The following STPG2 variants were observed in gnomAD, a reference collection of about 807,000 sequenced individuals.
STPG2 encodes sperm tail PG-rich repeat containing 2, also known as sperm-tail PG-rich repeat-containing protein 2.
Under a neutral mutation model 54.2 loss-of-function variants are expected in STPG2, and 56 were observed. The ratio of observed to expected loss-of-function variants is 1.03; its 90% CI spans 0.83 to 1.29. The LOEUF is 1.29. Ranked by LOEUF, STPG2 falls within the 50% of genes most tolerant of loss-of-function variation. The probability of loss-of-function intolerance (pLI) is 0.00; values close to 1 mark genes in which losing one functional copy is unlikely to be tolerated. For missense variants in STPG2, 596 were observed against 544.9 expected (o/e 1.09, Z -0.93); for synonymous variants, 200 against 181.8 (o/e 1.10, Z -0.81).
At position 98,143,273 on chromosome 4, in the gene STPG2, C is replaced by G; in HGVS notation, c.-123G>C. On this transcript the variant is annotated 5_prime_UTR_variant, in exon 1 of 11. Transcript: ENST00000295268. ...TCTGAGGAGGCCGGGAAAGAACTTC[C>G]GTAAACAGGGAAATTAGGGGTGGGG... is the stretch of plus-strand genomic sequence containing the variant. The G allele has an allele frequency of 1.5e-6, 1 of 677,758 alleles. No homozygotes were observed. Among genetic ancestry groups the G allele is most frequent in the Non-Finnish European group, 2.5e-6 (1 of 401,130 alleles). 42.0% of individuals were successfully genotyped at this position (677,758 alleles called of 1,614,324 possible).
chr4:97,723,621 T>C (rs183321073), intron 9 of STPG2, among the ~76,000 whole-genome samples: 2 of 152,310 alleles, frequency 1.3e-5, no homozygotes, highest in Non-Finnish European at 2.9e-5. Flanking sequence ...CTCTGGTAAA[T>C]GTATTGGTCC....
chr4:97,897,050 C>T (rs941323902), intron 8 of STPG2, among the ~76,000 whole-genome samples: 1 of 151,884 alleles, frequency 6.6e-6, no homozygotes, highest in African/African-American at 2.4e-5. Flanking sequence ...TGATCCTCTC[C>T]CTCCTCCCAC....
intron 10 of STPG2, among the ~76,000 whole-genome samples, chr4:97,702,282 GC>G (rs1560727038): frequency 6.6e-6 from 1 of 152,096 alleles, no homozygotes; most frequent in Non-Finnish European, 1.5e-5. Flanking sequence ...CACTTAGTGG[GC>G]CCAAATAAAT....
chr4:98,082,553 G>A lies in STPG2; in HGVS notation c.612+23400C>T, dbSNP rs979244023. Reference sequence around the variant, plus strand: ...TGCAAGCTCTGCCTCCCGGGTTCACGCCATTCTCCTGCCTCAGCTCCCCGA... The same window carrying A: ...TGCAAGCTCTGCCTCCCGGGTTCACACCATTCTCCTGCCTCAGCTCCCCGA... On this transcript the variant is annotated intron_variant, in intron 5 of 10. Transcript: ENST00000295268. 1.8e-4 allele frequency among the ~76,000 whole-genome samples: 24 copies of A among 131,482 alleles called. 1 individual carries two copies. The highest frequency in any genetic ancestry group is 0.01 in the Middle Eastern group (2 of 198). 86.3% of individuals were successfully genotyped at this position (131,482 alleles called of 152,430 possible). A position where few individuals can be genotyped will look rare whatever the true frequency, so the allele number is the denominator to read the frequency against.
Position 97,943,955 on chromosome 4 carries a change from G to A in STPG2, c.986C>T (p.Thr329Ile). 2 of 1,601,782 alleles carry A rather than the reference G, an allele frequency of 1.2e-6. No individual in the cohort carries two copies. Among genetic ancestry groups the A allele is most frequent in the Non-Finnish European group, 1.7e-6 (2 of 1,176,326 alleles). Residue 329 changes from threonine to isoleucine, a missense_variant, in exon 8 of 11, where the codon ACT becomes ATT. By Grantham distance (89) the Thr-to-Ile change is moderately conservative. Coordinates refer to ENST00000295268, the MANE Select transcript of STPG2 (RefSeq NM_174952.3). Reference protein sequence around the residue: ...VGISDELPNLTNKYAAFLSRA... With the variant: ...VGISDELPNLINKYAAFLSRA... ...TGACAAGAAAGCAGCATATTTGTTA[G>A]TCAAGTTAGGTAATTCATCAGAAAT...
chr4:97,911,297 C>G (rs1731669646), intron 8 of STPG2, among the ~76,000 whole-genome samples: 2 of 152,234 alleles, frequency 1.3e-5, no homozygotes, highest in Admixed American at 6.5e-5. Context: ...GCAGGACACC[C>G]GTCCATTCCT....
At chr4:97,906,299 T>A (rs1395123972) in intron 8 of STPG2, among the ~76,000 whole-genome samples, 1 of 152,122 alleles carries the variant, frequency 6.6e-6, no homozygotes, top group Non-Finnish European at 1.5e-5. Context: ...ACATACACCC[T>A]CCCAAGACTA....
At chr4:97,953,841 T>C (rs1013057144) in intron 7 of STPG2, among the ~76,000 whole-genome samples, 3 of 152,216 alleles carry the variant, frequency 2.0e-5, no homozygotes, top group Non-Finnish European at 2.9e-5. Context: ...CTGTGATTTA[T>C]TTCAGTTTTC....
chr4:97,618,893 A>G (rs942740626), intron 10 of STPG2, among the ~76,000 whole-genome samples: 2 of 152,308 alleles, frequency 1.3e-5, no homozygotes, highest in African/African-American at 4.8e-5. Context: ...GGTGTTAGAT[A>G]TAAGTGGGGT....
At chr4:97,487,382 T>C (rs1730394809) in intron 4 of STPG2, among the ~76,000 whole-genome samples, 1 of 151,514 alleles carries the variant, frequency 6.6e-6, no homozygotes, top group Non-Finnish European at 1.5e-5. Flanking sequence ...CTATCAAAAT[T>C]CAATCAAATT....
At chr4:97,693,843 G>T (rs1018921341) in intron 10 of STPG2, among the ~76,000 whole-genome samples, 2 of 152,044 alleles carry the variant, frequency 1.3e-5, no homozygotes, top group Non-Finnish European at 2.9e-5. Context: ...AACAAAATTG[G>T]AAATACATTC....
intron 3 of STPG2, among the ~76,000 whole-genome samples, chr4:98,115,335 C>A (rs1014236573): frequency 1.3e-5 from 2 of 151,972 alleles, no homozygotes; most frequent in Admixed American, 6.6e-5. Context: ...ATTCCAATCA[C>A]AAACTTTGCT....
intron 7 of STPG2, among the ~76,000 whole-genome samples, chr4:97,945,616 G>C (rs535886593): frequency 5.3e-5 from 8 of 152,030 alleles, no homozygotes; most frequent in African/African-American, 1.9e-4. Context: ...TCTATTTTTA[G>C]TTATCTAAGA....
Position 98,143,085 on chromosome 4 carries a change from A to T in STPG2, c.66T>A (p.Gly22=), listed in dbSNP as rs1466182465. 1 of 1,613,884 alleles carries T rather than the reference A, an allele frequency of 6.2e-7. No homozygotes were observed. The highest frequency in any genetic ancestry group is 1.7e-5 in the Admixed American group (1 of 60,008). ...AEGGSTEAHV[G]PGSYQVPFLK... is the part of the protein sequence containing the mutation. ...GGAAAGGTACCTGGTAGGATCCAGG[A>T]CCCACATGGGCCTCAGTGCTGCCAC... Residue 22 remains glycine (G), a synonymous_variant, in exon 1 of 11, where the codon GGT becomes GGA. Transcript: ENST00000295268.
Position 97,467,101 on chromosome 4 carries a change from G to T in STPG2, c.462+245598C>A, listed in dbSNP as rs143013490. Reference sequence around the variant, plus strand: ...AAGTTATCTCCAATATCTGAAAAAGGTCACAAGAATTGCATAGCCACTGAA... The same window carrying T: ...AAGTTATCTCCAATATCTGAAAAAGTTCACAAGAATTGCATAGCCACTGAA... On this transcript the variant is annotated intron_variant, in intron 4 of 4. Coordinates refer to the STPG2 transcript ENST00000522676. Among the ~76,000 whole-genome samples, 278 of 152,008 alleles carry T rather than the reference G, an allele frequency of 1.8e-3. 1 individual carries two copies. Among genetic ancestry groups the T allele is most frequent in the African/African-American group, 6.4e-3 (265 of 41,542 alleles).
chr4:97,638,502 A>G (rs988629485), intron 10 of STPG2, among the ~76,000 whole-genome samples: 34 of 152,170 alleles, frequency 2.2e-4, no homozygotes, highest in Non-Finnish European at 4.6e-4. Flanking sequence ...ATGGGATCTC[A>G]TTAAACTAAA....
At chr4:97,896,119 A>C (rs544983022) in intron 8 of STPG2, among the ~76,000 whole-genome samples, 169 of 151,874 alleles carry the variant, frequency 1.1e-3, no homozygotes, top group Middle Eastern at 3.4e-3. Context: ...CCTTATATCC[A>C]TATGTTACAC....
intron 3 of STPG2, among the ~76,000 whole-genome samples, chr4:98,116,969 ATTC>A (rs1467379292): frequency 1.3e-5 from 2 of 152,050 alleles, no homozygotes; most frequent in African/African-American, 4.8e-5. Context: ...ATCAATAGGA[ATTC>A]TTCTAAAAAC....
At chr4:98,051,905 T>C (rs1442490005) in intron 5 of STPG2, among the ~76,000 whole-genome samples, 1 of 151,826 alleles carries the variant, frequency 6.6e-6, no homozygotes, top group Non-Finnish European at 1.5e-5. Flanking sequence ...CTGACCAACA[T>C]GGTGAAACGC....
Sources: allele counts gnomAD v4.1 joint callset (sites outside exome capture counted in the v4.1 genomes callset), GRCh38; gene constraint gnomAD v4.1.1; transcripts MANE v1.5; gene names NCBI Gene and HGNC (gene_info 2026-07-23, HGNC 2026-07-21).